The following ETS1 variants were observed in gnomAD, a reference collection of about 807,000 sequenced individuals.
ETS1 encodes the protein ETS proto-oncogene 1, transcription factor.
In ETS1, 15 loss-of-function variants were observed where a neutral mutation model predicts 58.6. The ratio of observed to expected loss-of-function variants is 0.26; its 90% CI spans 0.17 to 0.39. The LOEUF (loss-of-function observed/expected upper bound fraction) is 0.39, where lower values mean the gene tolerates loss of function less well. ETS1 is among the 10% of genes least tolerant of loss of function. ETS1 has a pLI of 1.00. For missense variants in ETS1, 417 were observed against 610.5 expected (o/e 0.68, Z 3.34); for synonymous variants, 214 against 218.2 (o/e 0.98, Z 0.17).
chr11:128,552,373 C>T lies in ETS1; in HGVS notation c.214+3918G>A, dbSNP rs564763757. Among the ~76,000 whole-genome samples the T allele has an allele frequency of 7.9e-5, 12 of 152,284 alleles. No individual in the cohort carries two copies. In the South Asian group the frequency reaches 2.5e-3, roughly 32 times the overall value. On this transcript the variant is annotated intron_variant, in intron 3 of 9. Transcript: ENST00000392668. ...CAAAGACATAGCAAACTGCATTCTA[C>T]AAGAAAAAGTATTGTCTTGTTTCTC...
At chr11:128,534,801 C>T (rs999732272) in intron 3 of ETS1, among the ~76,000 whole-genome samples, 1 of 152,054 alleles carries the variant, frequency 6.6e-6, no homozygotes, top group Non-Finnish European at 1.5e-5. Flanking sequence ...GTGTGTGTAC[C>T]ATATTTTCTT....
intron 2 of ETS1, among the ~76,000 whole-genome samples, chr11:128,557,708 A>C (rs920748277): frequency 1.3e-5 from 2 of 152,164 alleles, no homozygotes; most frequent in African/African-American, 2.4e-5. Context: ...CTGCACCTTC[A>C]TAAAAACCCC....
At position 128,485,068 on chromosome 11, in the gene ETS1, T is replaced by C. The variant is rs142279599; in HGVS notation, c.617A>G (p.Tyr206Cys). The stretch of plus-strand genomic sequence containing the variant: ...AACACACTGGGCATGCTCAATACCA[T>C]AGCCTGGAAACAAAGGGTTTGCAAG... ...SRYTSDYFIS[Y>C]GIEHAQCVPP... The change falls in exon 7 of 10, where the codon TAT becomes TGT. Residue 206 changes from tyrosine to cysteine, a missense_variant. Coordinates refer to ENST00000392668, the MANE Select transcript of ETS1 (RefSeq NM_001143820.2). 3.2e-3 allele frequency: 5,080 copies of C among 1,609,420 alleles called. 12 individuals are homozygous for C. The highest frequency in any genetic ancestry group is 3.8e-3 in the Non-Finnish European group (4,416 of 1,176,590).
chr11:128,496,023 C>A (rs1862929843), intron 3 of ETS1, among the ~76,000 whole-genome samples: 1 of 152,068 alleles, frequency 6.6e-6, no homozygotes, highest in Non-Finnish European at 1.5e-5. Flanking sequence ...AAGAATTATA[C>A]ACCTAATCCC....
In ETS1 at chr11:128,549,883, G is replaced by A. The variant is rs1864202631; in HGVS notation, c.214+6408C>T. ...AATGAGGCACAGTGGGCAGATGCTA[G>A]CACATTAGCCTTGAGCAAGATAAGA... is the stretch of plus-strand genomic sequence containing the variant. On this transcript the variant is annotated intron_variant, in intron 3 of 9. Coordinates refer to ENST00000392668, the MANE Select transcript of ETS1 (RefSeq NM_001143820.2). This position sits in a 1 kb window ranked among gnomAD's most constrained non-coding sequence, Gnocchi z 4.3. 6.6e-6 allele frequency among the ~76,000 whole-genome samples: 1 copy of A among 152,222 alleles called. No individual in the cohort carries two copies. Among genetic ancestry groups the A allele is most frequent in the Non-Finnish European group, 1.5e-5 (1 of 68,040 alleles).
At chr11:128,552,016 T>C (rs1480887114) in intron 3 of ETS1, among the ~76,000 whole-genome samples, 1 of 152,120 alleles carries the variant, frequency 6.6e-6, no homozygotes, top group Non-Finnish European at 1.5e-5. Context: ...CCTAAAGTGA[T>C]TCTCATGTAC....
At chr11:128,568,878 A>G (rs915505981) in intron 2 of ETS1, among the ~76,000 whole-genome samples, 5 of 152,236 alleles carry the variant, frequency 3.3e-5, no homozygotes, top group Non-Finnish European at 7.3e-5. Flanking sequence ...TTTCTTGGCC[A>G]ACTAATGCAG....
chr11:128,461,137 AAC>A lies in ETS1; in HGVS notation c.*1222_*1223del. ...AGCCGTACACTTCTCTCTACTGAATAACAGAGTTGGCGGTGAGGGGGTGCAAA... is the reference window on the plus strand; with the variant it reads ...AGCCGTACACTTCTCTCTACTGAATAAGAGTTGGCGGTGAGGGGGTGCAAA... On this transcript the variant is annotated 3_prime_UTR_variant, in exon 10 of 10. Coordinates refer to ENST00000392668, the MANE Select transcript of ETS1 (RefSeq NM_001143820.2). The A allele has an allele frequency of 6.5e-6, 1 of 152,780 alleles. No homozygotes were observed. Among genetic ancestry groups the A allele is most frequent in the Non-Finnish European group, 1.5e-5 (1 of 68,048 alleles). 9.5% of individuals were successfully genotyped at this position (152,780 alleles called of 1,614,324 possible). A position where few individuals can be genotyped will look rare whatever the true frequency, so the allele number is the denominator to read the frequency against.
chr11:128,569,965 C>T (rs1022398238), intron 2 of ETS1, among the ~76,000 whole-genome samples: 4 of 152,106 alleles, frequency 2.6e-5, no homozygotes, highest in East Asian at 1.9e-4. Context: ...TGGGAGTAAA[C>T]GGATTATTTG....
intron 3 of ETS1, chr11:128,530,369 G>A (rs1178074125): frequency 6.6e-6 from 1 of 152,128 alleles, no homozygotes; most frequent in East Asian, 1.9e-4. Flanking sequence ...CGTTGAGTTG[G>A]TGAAAAGAAG....
intron 1 of ETS1, among the ~76,000 whole-genome samples, chr11:128,584,168 T>C (rs1864929277): frequency 1.3e-5 from 2 of 152,192 alleles, no homozygotes; most frequent in African/African-American, 4.8e-5. Context: ...CCCAGGAAAC[T>C]AGGCCTGGGT....
At chr11:128,581,385 A>G (rs7125213) in intron 1 of ETS1, among the ~76,000 whole-genome samples, 133,140 of 152,226 alleles carry the variant, frequency 0.87, 58,529 homozygotes, top group African/African-American at 0.95. Flanking sequence ...CTGCCTTACC[A>G]TAAAAGTGGC....
chr11:128,483,905 T>C (rs1428436966), intron 7 of ETS1, among the ~76,000 whole-genome samples: 1 of 152,248 alleles, frequency 6.6e-6, no homozygotes, highest in African/African-American at 2.4e-5. Context: ...CATTTATAAT[T>C]CTTTCCCATT....
In ETS1 at chr11:128,461,277, T is replaced by C. The variant is rs916737636; in HGVS notation, c.*1084A>G. Reference sequence around the variant, plus strand: ...GGACCTGAGGGGTAATGCCCATGCATACAGCTTTTATTCCAAGTCATCTAT... The same window carrying C: ...GGACCTGAGGGGTAATGCCCATGCACACAGCTTTTATTCCAAGTCATCTAT... On this transcript the variant is annotated 3_prime_UTR_variant, in exon 10 of 10. Coordinates refer to ENST00000392668, the MANE Select transcript of ETS1 (RefSeq NM_001143820.2). 47 of 152,798 alleles carry C rather than the reference T, an allele frequency of 3.1e-4. No homozygotes were observed. Among genetic ancestry groups the C allele is most frequent in the Admixed American group, 2.9e-3 (44 of 15,290 alleles). 9.5% of individuals were successfully genotyped at this position (152,798 alleles called of 1,614,324 possible).
At chr11:128,528,273 G>A (rs531644211) in intron 3 of ETS1, among the ~76,000 whole-genome samples, 1 of 152,206 alleles carries the variant, frequency 6.6e-6, no homozygotes. Context: ...TCAATGGGAG[G>A]TCCTCATGCT....
intron 3 of ETS1, chr11:128,521,832 C>A: frequency 8.9e-7 from 1 of 1,127,114 alleles, no homozygotes; most frequent in Non-Finnish European, 1.3e-6. Flanking sequence ...CAGAAGGGAA[C>A]GGCGAAAGGG....
chr11:128,565,058 A>AAAT (rs374454292), intron 2 of ETS1, among the ~76,000 whole-genome samples: 7,440 of 142,784 alleles, frequency 0.052, 245 homozygotes, highest in Non-Finnish European at 0.075. Context: ...ATAAATAAAT[A>AAAT]AAATAAATGT....
At chr11:128,470,884 C>A (rs1862170346) in intron 8 of ETS1, among the ~76,000 whole-genome samples, 1 of 151,730 alleles carries the variant, frequency 6.6e-6, no homozygotes, top group Admixed American at 6.6e-5. Flanking sequence ...AGGGAAGACT[C>A]TGAAATCCTT....
chr11:128,505,875 G>T (rs945357604), intron 3 of ETS1, among the ~76,000 whole-genome samples: 1 of 152,210 alleles, frequency 6.6e-6, no homozygotes. Flanking sequence ...AAGCTCCCCG[G>T]ACTGAACTGT....
Sources: gnomAD v4.1 joint callset for allele counts (sites outside exome capture counted in the v4.1 genomes callset) on GRCh38, gnomAD v4.1.1 for gene constraint, Gnocchi (gnomAD v3.1) non-coding constraint, MANE v1.5 for transcripts, NCBI Gene and HGNC (gene_info 2026-07-23, HGNC 2026-07-21) for gene names.